The following GOLGB1 variants were observed in gnomAD, a reference collection of about 807,000 sequenced individuals.
The protein encoded by GOLGB1 is golgin subfamily B member 1.
Under a neutral mutation model 336.9 loss-of-function variants are expected in GOLGB1, and 174 were observed. That is an observed-to-expected ratio of 0.52 (90% confidence interval 0.46 to 0.59). The LOEUF is 0.59. GOLGB1 is among the 20% of genes least tolerant of loss of function. GOLGB1 has a pLI of 0.00. For synonymous variants in GOLGB1, 1,208 were observed against 1,289.2 expected (o/e 0.94, Z 1.35); for missense variants, 3,331 against 3,645.3 (o/e 0.91, Z 2.22).
intron 14 of GOLGB1, among the ~76,000 whole-genome samples, chr3:121,687,517 T>C (rs939318953): frequency 8.5e-5 from 13 of 152,080 alleles, no homozygotes; most frequent in Admixed American, 3.9e-4. Context: ...AAAATAAAAA[T>C]ACTTGAGGCA....
upstream of GOLGB1, chr3:121,749,803 G>C (rs1947634379): frequency 6.6e-6 from 1 of 152,338 alleles, no homozygotes. Flanking sequence ...ACTATCGGCA[G>C]GACGTTACCA....
At chr3:121,687,480 G>A (rs9817555) in intron 14 of GOLGB1, among the ~76,000 whole-genome samples, 51,887 of 152,016 alleles carry the variant, frequency 0.34, 9,517 homozygotes, top group Non-Finnish European at 0.42. Flanking sequence ...TAAAGTGTTA[G>A]AGCTTATCTT....
Position 121,669,213 on chromosome 3 carries a change from G to A in GOLGB1, c.9320C>T (p.Ala3107Val), listed in dbSNP as rs150865762. 8.4e-4 allele frequency: 1,354 copies of A among 1,613,148 alleles called. 1 individual carries two copies. The highest frequency in any genetic ancestry group is 1.0e-3 in the Middle Eastern group (6 of 5,742). The part of the protein sequence containing the change: ...VLEKQVQELQ[A>V]GPLNIDVAPG... The stretch of plus-strand genomic sequence containing the variant: ...GTCTCTCACCTTCTCTTTACTCACC[G>A]CCTGCAGCTCTTGAACCTGCTTCTC... Residue 3107 changes from alanine to valine, a missense_variant and splice_region_variant, in exon 18 of 22, where the codon GCG becomes GTG. Coordinates refer to ENST00000614479, the MANE Select transcript of GOLGB1 (RefSeq NM_001366282.2).
In GOLGB1 at chr3:121,729,360, G is replaced by A; in HGVS notation, c.250-20C>T. The A allele has an allele frequency of 1.3e-6, 2 of 1,593,230 alleles. No homozygotes were observed. The highest frequency in any genetic ancestry group is 1.7e-6 in the Non-Finnish European group (2 of 1,164,522). On this transcript the variant is annotated intron_variant, in intron 3 of 21. Transcript: ENST00000614479. ...CTCTTCCTGCCCAAAAACAATGATG[G>A]TAAATACATAAATGTTTATTCCCCT...
intron 1 of GOLGB1, among the ~76,000 whole-genome samples, chr3:121,744,029 T>C (rs150114564): frequency 1.3e-4 from 20 of 152,310 alleles, no homozygotes; most frequent in Middle Eastern, 6.8e-3. Context: ...CATGAGTTTC[T>C]GATTGACCCT....
Position 121,696,562 on chromosome 3 carries a change from C to G in GOLGB1, c.3961G>C (p.Ala1321Pro), listed in dbSNP as rs1244472452. ...TTCAATTCTAACTCTACTTTCTCAG[C>G]CTCTATTTCCTTCAGCTGGGCCTTA... ...QIKAQLKEIEAEKVELELKVS... is the reference protein window; with the variant it reads ...QIKAQLKEIEPEKVELELKVS... The change falls in exon 13 of 22, where the codon GCT becomes CCT. Residue 1321 changes from alanine to proline, a missense_variant. Coordinates refer to ENST00000614479, the MANE Select transcript of GOLGB1 (RefSeq NM_001366282.2). 1 of 1,614,122 alleles carries G rather than the reference C, an allele frequency of 6.2e-7. No individual in the cohort carries two copies. Among genetic ancestry groups the G allele is most frequent in the Non-Finnish European group, 8.5e-7 (1 of 1,179,998 alleles).
At chr3:121,715,730 C>T (rs371993792) in intron 9 of GOLGB1, among the ~76,000 whole-genome samples, 3 of 151,972 alleles carry the variant, frequency 2.0e-5, no homozygotes, top group South Asian at 2.1e-4. Context: ...CAATGGCTCA[C>T]GCCTGTAATC....
intron 10 of GOLGB1, among the ~76,000 whole-genome samples, chr3:121,706,733 CAAAAAAAAAAA>C (rs1200925309): frequency 1.2e-4 from 2 of 16,154 alleles, no homozygotes; most frequent in Non-Finnish European, 2.1e-4. Flanking sequence ...GACTCTGTCT[CAAAAAAAAAAA>C]AAAAAAAAAA....
At chr3:121,727,841 A>G (rs1327371671) in intron 4 of GOLGB1, among the ~76,000 whole-genome samples, 3 of 152,146 alleles carry the variant, frequency 2.0e-5, no homozygotes, top group Admixed American at 6.6e-5. Context: ...TCATTTCTTC[A>G]ACTATACTTT....
intron 10 of GOLGB1, 76 bp downstream of exon 10, chr3:121,714,785 T>A: frequency 1.0e-6 from 1 of 953,014 alleles, no homozygotes; most frequent in South Asian, 1.3e-5. Context: ...CTGGAATAAA[T>A]CCTCATTAGA....
chr3:121,689,008 G>A (rs536504244), intron 14 of GOLGB1, among the ~76,000 whole-genome samples: 2 of 151,306 alleles, frequency 1.3e-5, no homozygotes, highest in East Asian at 3.9e-4. Context: ...CCCTCCGGGA[G>A]GGAGGTGGGG....
At position 121,692,388 on chromosome 3, in the gene GOLGB1, A is replaced by G; in HGVS notation, c.6976T>C (p.Leu2326=). The G allele has an allele frequency of 6.2e-7, 1 of 1,611,622 alleles. No individual in the cohort carries two copies. Among genetic ancestry groups the G allele is most frequent in the Non-Finnish European group, 8.5e-7 (1 of 1,179,402 alleles). ...ESELKSLKDQ[L]TDLSNSLEKC... is the part of the protein sequence containing the mutation. ...TCTAAAGAGTTACTTAAATCAGTCA[A>G]CTGGTCTTTGAGACTCTTAAGTTCT... The change falls in exon 14 of 22, where the codon TTG becomes CTG. Residue 2326 remains leucine (L), a synonymous_variant. Transcript: ENST00000614479.
chr3:121,673,351 A>C (rs1220094482), intron 17 of GOLGB1, among the ~76,000 whole-genome samples: 2 of 116,462 alleles, frequency 1.7e-5, no homozygotes, highest in African/African-American at 7.4e-5. Flanking sequence ...TTACAGGCAT[A>C]AGCCACCACA....
Position 121,676,903 on chromosome 3 carries a change from A to G in GOLGB1, c.9167T>C (p.Leu3056Pro). Residue 3056 changes from leucine (L) to proline (P), a missense_variant, in exon 17 of 22, where the codon CTG becomes CCG. Leu to Pro is a moderately conservative substitution (Grantham distance 98, BLOSUM62 -3). Coordinates refer to ENST00000614479, the MANE Select transcript of GOLGB1 (RefSeq NM_001366282.2). ...ACAAGAAACACTTACGTTGCTGTTCAGTTGCTGAATTCTTAACTCCTTTTG... is the reference window on the plus strand; with the variant it reads ...ACAAGAAACACTTACGTTGCTGTTCGGTTGCTGAATTCTTAACTCCTTTTG... ...IHQKELRIQQ[L>P]NSNFSQLLEE... 6.2e-7 allele frequency: 1 copy of G among 1,613,764 alleles called. No homozygotes were observed. Among genetic ancestry groups the G allele is most frequent in the Non-Finnish European group, 8.5e-7 (1 of 1,179,640 alleles).
At chr3:121,685,546 T>C (rs1428705523) in intron 14 of GOLGB1, among the ~76,000 whole-genome samples, 1 of 71,578 alleles carries the variant, frequency 1.4e-5, no homozygotes, top group Non-Finnish European at 3.2e-5. Flanking sequence ...AATAAATAAA[T>C]AAATAAATAA....
rs1211844936 is a variant in GOLGB1, at chr3:121,698,006, T to G, written c.2517A>C (p.Arg839Ser). The G allele has an allele frequency of 6.2e-7, 1 of 1,614,122 alleles. No homozygotes were observed. Residue 839 changes from arginine (R) to serine (S), a missense_variant, in exon 13 of 22, where the codon AGA (arginine) becomes AGC (serine). By Grantham distance (110) the Arg-to-Ser change is moderately radical. Transcript: ENST00000614479. ...LQFSEQSTLI[R>S]SLQSQLQNKE... ...TATTTTGCAGCTGGCTTTGCAGGCT[T>G]CTTATCAGGGTACTCTGCTCAGAAA...
chr3:121,748,840 A>G, intron 1 of GOLGB1: 1 of 983,198 alleles, frequency 1.0e-6, no homozygotes, highest in Non-Finnish European at 1.2e-6. Context: ...CCATAGACCA[A>G]CTGGAGCTCT....
rs776654328 is a variant in GOLGB1, at chr3:121,730,989, G to C, written c.-2-16C>G. 15 of 1,605,616 alleles carry C rather than the reference G, an allele frequency of 9.3e-6. No homozygotes were observed. The Admixed American group carries it at 2.4e-4, about 26-fold the overall frequency. On this transcript the variant is annotated splice_polypyrimidine_tract_variant and intron_variant, in intron 1 of 21. Transcript: ENST00000614479. ...CTCAGCATTTCTGTAGGAAAAGAAG[G>C]GGGGAAAAAACCTAAGAATCAGCAA...
rs747743102 is a variant in GOLGB1, at chr3:121,698,241, A to C, written c.2282T>G (p.Leu761Arg). The change falls in exon 13 of 22, where the codon CTT becomes CGT. Residue 761 changes from leucine (L) to arginine (R), a missense_variant. Leu to Arg is a moderately radical substitution (Grantham distance 102). Coordinates refer to ENST00000614479, the MANE Select transcript of GOLGB1 (RefSeq NM_001366282.2). Reference sequence around the variant, plus strand: ...AGCCCTCAATTCTGTTACCATGCTAAGTTCCTTCACCTGAGAGAGAAGCTG... The same window carrying C: ...AGCCCTCAATTCTGTTACCATGCTACGTTCCTTCACCTGAGAGAGAAGCTG... ...RDQLLSQVKELSMVTELRAQV... is the reference protein window; with the variant it reads ...RDQLLSQVKERSMVTELRAQV... 9 of 1,613,836 alleles carry C rather than the reference A, an allele frequency of 5.6e-6. No homozygotes were observed. Among genetic ancestry groups the C allele is most frequent in the Non-Finnish European group, 6.8e-6 (8 of 1,179,924 alleles).
Sources: gnomAD v4.1 joint callset for allele counts (sites outside exome capture counted in the v4.1 genomes callset) on GRCh38, gnomAD v4.1.1 for gene constraint, MANE v1.5 for transcripts, NCBI Gene and HGNC (gene_info 2026-07-23, HGNC 2026-07-21) for gene names.